QTMAN: variants seen among roughly 807,000 people sequenced by gnomAD.
The protein encoded by QTMAN is queuosine-tRNA mannosyltransferase, also known as tRNA-queuosine alpha-mannosyltransferase.
chr2:144,001,105 C>A, the QTMAN span, among the ~76,000 whole-genome samples: 1 of 152,050 alleles, frequency 6.6e-6, no homozygotes, highest in African/African-American at 2.4e-5. Context: ...ACCTGAAAAG[C>A]ATATCATTCT....
the QTMAN span, among the ~76,000 whole-genome samples, chr2:143,981,025 T>G: frequency 6.6e-6 from 1 of 152,220 alleles, no homozygotes; most frequent in African/African-American, 2.4e-5. Context: ...TGTCCACTAC[T>G]TACTTTAAAT....
chr2:144,165,653 G>A, the QTMAN span, among the ~76,000 whole-genome samples: 1 of 152,132 alleles, frequency 6.6e-6, no homozygotes, highest in African/African-American at 2.4e-5. Context: ...CCTACTGGCA[G>A]CTTAAATACA....
chr2:144,251,550 C>A, the QTMAN span, among the ~76,000 whole-genome samples: 1 of 151,954 alleles, frequency 6.6e-6, no homozygotes, highest in Non-Finnish European at 1.5e-5. Flanking sequence ...ATAATGAAGA[C>A]CTTACAATAT....
At chr2:144,087,692 C>A in the QTMAN span, among the ~76,000 whole-genome samples, 6 of 151,942 alleles carry the variant, frequency 3.9e-5, no homozygotes, top group Non-Finnish European at 8.8e-5. Flanking sequence ...TCAACAACAA[C>A]AAAAAACTAT....
the QTMAN span, among the ~76,000 whole-genome samples, chr2:144,167,042 C>T: frequency 6.6e-6 from 1 of 152,180 alleles, no homozygotes; most frequent in African/African-American, 2.4e-5. Context: ...TTTCATGAAT[C>T]TTTGTACATT....
chr2:144,265,526 T>C, the QTMAN span, among the ~76,000 whole-genome samples: 1 of 151,850 alleles, frequency 6.6e-6, no homozygotes, highest in Non-Finnish European at 1.5e-5. Flanking sequence ...TGAAACTCTG[T>C]CTCTAATAAA....
chr2:144,260,017 G>T, the QTMAN span, among the ~76,000 whole-genome samples: 2 of 152,166 alleles, frequency 1.3e-5, no homozygotes, highest in East Asian at 3.8e-4. Context: ...GGAGGTGGGA[G>T]AAAGAAAGTC....
At chr2:144,149,550 A>C in the QTMAN span, among the ~76,000 whole-genome samples, 1 of 151,974 alleles carries the variant, frequency 6.6e-6, no homozygotes, top group East Asian at 1.9e-4. Flanking sequence ...CCTATATTTA[A>C]AATGTCTGCT....
the QTMAN span, among the ~76,000 whole-genome samples, chr2:144,043,395 G>A: frequency 0.044 from 6,770 of 152,160 alleles, 509 homozygotes; most frequent in African/African-American, 0.15. Flanking sequence ...CAGCACTTTA[G>A]GAGGCTGAGG....
chr2:144,167,299 G>GA, the QTMAN span, among the ~76,000 whole-genome samples: 1 of 152,112 alleles, frequency 6.6e-6, no homozygotes, highest in African/African-American at 2.4e-5. Context: ...ACAGCTTCAT[G>GA]AAAAATCTTC....
chr2:143,983,409 A>C, the QTMAN span, among the ~76,000 whole-genome samples: 1 of 152,016 alleles, frequency 6.6e-6, no homozygotes, highest in Non-Finnish European at 1.5e-5. Flanking sequence ...TTAAAAAGTA[A>C]AGTTTGCTAT....
At chr2:143,968,846 A>T in the QTMAN span, among the ~76,000 whole-genome samples, 1 of 152,188 alleles carries the variant, frequency 6.6e-6, no homozygotes, top group Non-Finnish European at 1.5e-5. Flanking sequence ...TCTCTCTGCC[A>T]GCACCTTACA....
chr2:144,008,724 T>G, the QTMAN span, among the ~76,000 whole-genome samples: 1 of 151,778 alleles, frequency 6.6e-6, no homozygotes, highest in African/African-American at 2.4e-5. Context: ...TCCAAGAGAG[T>G]AATATCACAT....
chr2:144,173,666 G>T, the QTMAN span, among the ~76,000 whole-genome samples: 1 of 152,070 alleles, frequency 6.6e-6, no homozygotes, highest in East Asian at 1.9e-4. Flanking sequence ...GTGAGCAATG[G>T]GCATGATTTC....
the QTMAN span, among the ~76,000 whole-genome samples, chr2:144,210,124 C>T: frequency 4.5e-4 from 69 of 151,938 alleles, 2 homozygotes; most frequent in South Asian, 7.1e-3. Context: ...AATCAGTGGT[C>T]GTCCTCAGAT....
At chr2:143,957,311 C>A in the QTMAN span, 1 of 1,599,114 alleles carries the variant, frequency 6.3e-7, no homozygotes, top group Admixed American at 1.8e-5. Flanking sequence ...CAGAAGATCC[C>A]AATGCCTTTT....
chr2:144,303,068 T>C, the QTMAN span, among the ~76,000 whole-genome samples: 1 of 151,998 alleles, frequency 6.6e-6, no homozygotes, highest in South Asian at 2.1e-4. Context: ...CACCATTGCA[T>C]TCCAGCCTGG....
chr2:144,279,791 G>T, the QTMAN span, among the ~76,000 whole-genome samples: 9 of 152,160 alleles, frequency 5.9e-5, no homozygotes, highest in Non-Finnish European at 5.9e-5. Flanking sequence ...GGAGATATAA[G>T]CAAGTCTGAA....
the QTMAN span, among the ~76,000 whole-genome samples, chr2:144,046,269 G>C: frequency 6.6e-6 from 1 of 152,204 alleles, no homozygotes; most frequent in Non-Finnish European, 1.5e-5. Flanking sequence ...AGAGATGACA[G>C]TTTCATATTT....
Sources: allele counts gnomAD v4.1 joint callset (sites outside exome capture counted in the v4.1 genomes callset), GRCh38; gene constraint gnomAD v4.1.1; transcripts MANE v1.5; gene names NCBI Gene and HGNC (gene_info 2026-07-23, HGNC 2026-07-21).